CFAP77: variants seen among roughly 807,000 people sequenced by gnomAD.
CFAP77 encodes the protein cilia- and flagella-associated protein 77.
CFAP77 carries 25 observed loss-of-function variants against 31.1 expected under a neutral mutation model. The ratio of observed to expected loss-of-function variants is 0.80; its 90% CI spans 0.59 to 1.12. CFAP77 has a LOEUF of 1.12. Ranked by LOEUF, CFAP77 falls within the 50% of genes most tolerant of loss-of-function variation. The pLI is 0.00. For synonymous variants in CFAP77, 151 were observed against 159.9 expected, an observed-to-expected ratio of 0.94 and a Z score of 0.42; for missense variants, 377 against 397.3, an observed-to-expected ratio of 0.95 and a Z score of 0.44.
chr9:132,542,890 G>A (rs1208370754), intron 4 of CFAP77, 56 bp from the exon 5 acceptor site: 20 of 1,363,726 alleles, frequency 1.5e-5, no homozygotes, highest in Non-Finnish European at 1.8e-5. Context: ...CCTTCAGCAC[G>A]GCCTTCTCCA....
In CFAP77 at chr9:132,539,888, G is replaced by A. The variant is rs1371033082; in HGVS notation, c.630+2182G>A. 1.3e-5 allele frequency among the ~76,000 whole-genome samples: 2 copies of A among 152,156 alleles called. No homozygotes were observed. The highest frequency in any genetic ancestry group is 1.9e-4 in the East Asian group (1 of 5,188). ...CCAGCACAAACTGCTTTCTAGCCCC[G>A]CATTAGAGCTGGGAGTTTTTTTTGC... On this transcript the variant is annotated intron_variant, in intron 4 of 5. Transcript: ENST00000393216. This position sits in a 1 kb window ranked among gnomAD's most constrained non-coding sequence, Gnocchi z 4.3.
chr9:132,497,153 G>A lies in CFAP77; in HGVS notation c.196-1542G>A, dbSNP rs751457737. 1.3e-5 allele frequency among the ~76,000 whole-genome samples: 2 copies of A among 152,104 alleles called. No individual in the cohort carries two copies. Among genetic ancestry groups the A allele is most frequent in the African/African-American group, 4.8e-5 (2 of 41,400 alleles). On this transcript the variant is annotated intron_variant, in intron 1 of 5. Coordinates refer to ENST00000393216, the MANE Select transcript of CFAP77 (RefSeq NM_001282957.2). This position sits in a 1 kb window ranked among gnomAD's most constrained non-coding sequence, Gnocchi z 4.9. ...TGTCTATCTCAACAGGGGGTGCTGT[G>A]GGGGAGCCTGGGAGGCAAAGCTGCA...
At position 132,424,828 on chromosome 9, in the gene CFAP77, G is replaced by A. The variant is rs1008473818; in HGVS notation, c.195+14362G>A. ...AACCTCCATCAAGGCTGAGCAGAGCGGCCTCCCCCTTTTCAAAGGAAAGGC... is the reference window on the plus strand; with the variant it reads ...AACCTCCATCAAGGCTGAGCAGAGCAGCCTCCCCCTTTTCAAAGGAAAGGC... On this transcript the variant is annotated intron_variant, in intron 1 of 5. Coordinates refer to ENST00000393216, the MANE Select transcript of CFAP77 (RefSeq NM_001282957.2). The surrounding 1 kb of genome is among the most constrained non-coding windows in gnomAD (Gnocchi z 4.1). Among the ~76,000 whole-genome samples the A allele has an allele frequency of 6.6e-6, 1 of 152,188 alleles. No homozygotes were observed. Among genetic ancestry groups the A allele is most frequent in the African/African-American group, 2.4e-5 (1 of 41,444 alleles).
intron 5 of CFAP77, among the ~76,000 whole-genome samples, chr9:132,548,286 G>GGGGGGGGGGGCCCCCCC (rs1564248910): frequency 2.3e-5 from 3 of 129,002 alleles, no homozygotes; most frequent in African/African-American, 2.9e-5. Flanking sequence ...GGGGGGTGGG[G>GGGGGGGGGGGCCCCCCC]GGTGAAGCTG....
At chr9:132,447,766 A>G (rs912111504) in intron 1 of CFAP77, among the ~76,000 whole-genome samples, 1 of 152,206 alleles carries the variant, frequency 6.6e-6, no homozygotes, top group Admixed American at 6.5e-5. Context: ...AAAAGGTAGA[A>G]CATACCAGAA....
chr9:132,432,278 C>T (rs745613931), intron 1 of CFAP77, among the ~76,000 whole-genome samples: 4 of 151,998 alleles, frequency 2.6e-5, no homozygotes, highest in Non-Finnish European at 5.9e-5. Flanking sequence ...AGAAATGTGT[C>T]GTTTCAGGGA....
rs1016466781 is a variant in CFAP77, at chr9:132,434,840, G to A, written c.195+24374G>A. 2.6e-5 allele frequency among the ~76,000 whole-genome samples: 4 copies of A among 152,276 alleles called. No homozygotes were observed. In the South Asian group the frequency reaches 6.2e-4, roughly 24 times the overall value. On this transcript the variant is annotated intron_variant, in intron 1 of 5. Transcript: ENST00000393216. ...AAATCCAAATGGGCACTTTGAAACC[G>A]TGATCCCTTCCAGCATGGCCACTCT...
At chr9:132,571,679 A>G (rs1351385199) in intron 5 of CFAP77, among the ~76,000 whole-genome samples, 1 of 152,206 alleles carries the variant, frequency 6.6e-6, no homozygotes, top group Non-Finnish European at 1.5e-5. Context: ...CCAAAGGAGA[A>G]ATGCTGAGGC....
At chr9:132,555,719 T>C (rs879671995) in intron 5 of CFAP77, among the ~76,000 whole-genome samples, 21 of 152,120 alleles carry the variant, frequency 1.4e-4, no homozygotes, top group Admixed American at 4.6e-4. Context: ...AGGGATCAGC[T>C]GACGTGCCTC....
rs577797773 is a variant in CFAP77, at chr9:132,545,085, G to A, written c.732+2038G>A. Among the ~76,000 whole-genome samples, 22 of 152,332 alleles carry A rather than the reference G, an allele frequency of 1.4e-4. No homozygotes were observed. The highest frequency in any genetic ancestry group is 1.0e-3 in the Admixed American group (16 of 15,304). ...GTCTCACTCACCTGTGTCCCACGGC[G>A]CCTGGCCCCAAGTAGGAGCTAAATG... On this transcript the variant is annotated intron_variant, in intron 5 of 5. Coordinates refer to ENST00000393216, the MANE Select transcript of CFAP77 (RefSeq NM_001282957.2). This position sits in a 1 kb window ranked among gnomAD's most constrained non-coding sequence, Gnocchi z 4.6.
chr9:132,411,530 TG>T (rs1850001858), intron 1 of CFAP77, among the ~76,000 whole-genome samples: 1 of 152,110 alleles, frequency 6.6e-6, no homozygotes, highest in Non-Finnish European at 1.5e-5. Flanking sequence ...AGGCTGCACC[TG>T]GGGGAGGCTG....
intron 3 of CFAP77, among the ~76,000 whole-genome samples, chr9:132,525,892 A>C (rs55708547): frequency 0.29 from 43,547 of 152,030 alleles, 6,705 homozygotes; most frequent in East Asian, 0.68. Flanking sequence ...GCATGTAGGG[A>C]GAGTTCATTC....
At chr9:132,491,840 G>A (rs1044011827) in intron 1 of CFAP77, among the ~76,000 whole-genome samples, 1 of 152,166 alleles carries the variant, frequency 6.6e-6, no homozygotes, top group South Asian at 2.1e-4. Flanking sequence ...CTGAATTCTT[G>A]TTATCTATTA....
chr9:132,502,265 ATT>A (rs571665067), intron 3 of CFAP77, among the ~76,000 whole-genome samples: 12 of 83,866 alleles, frequency 1.4e-4, no homozygotes, highest in African/African-American at 4.5e-4. Context: ...ATATATATAT[ATT>A]TTTTTTTTTT....
At chr9:132,433,635 C>T (rs1463708033) in intron 1 of CFAP77, among the ~76,000 whole-genome samples, 3 of 151,968 alleles carry the variant, frequency 2.0e-5, no homozygotes, top group Non-Finnish European at 4.4e-5. Flanking sequence ...GCAACCTCCG[C>T]CTCCTGGGTT....
At chr9:132,425,198 C>T (rs780912587) in intron 1 of CFAP77, among the ~76,000 whole-genome samples, 12 of 152,132 alleles carry the variant, frequency 7.9e-5, no homozygotes, top group Non-Finnish European at 1.3e-4. Context: ...CACATTCTTG[C>T]GTCGCCCCCG....
At chr9:132,557,919 A>G (rs1455086500) in intron 5 of CFAP77, among the ~76,000 whole-genome samples, 1 of 152,184 alleles carries the variant, frequency 6.6e-6, no homozygotes, top group Non-Finnish European at 1.5e-5. Context: ...TATAAGCATC[A>G]CTGATACCAT....
chr9:132,493,788 CAT>C (rs1336391383), intron 1 of CFAP77, among the ~76,000 whole-genome samples: 1 of 152,272 alleles, frequency 6.6e-6, no homozygotes, highest in Non-Finnish European at 1.5e-5. Context: ...CAGGACCACA[CAT>C]GTGGTTGCCC....
intron 3 of CFAP77, among the ~76,000 whole-genome samples, chr9:132,532,182 T>A (rs1166914761): frequency 6.6e-6 from 1 of 152,226 alleles, no homozygotes; most frequent in Non-Finnish European, 1.5e-5. Context: ...GGGCGGCAGC[T>A]GGAAGCTGCT....
Sources: gnomAD v4.1 joint callset for allele counts (sites outside exome capture counted in the v4.1 genomes callset) on GRCh38, gnomAD v4.1.1 for gene constraint, Gnocchi (gnomAD v3.1) non-coding constraint, MANE v1.5 for transcripts, NCBI Gene and HGNC (gene_info 2026-07-23, HGNC 2026-07-21) for gene names.